FILIP1: variants seen among roughly 807,000 people sequenced by gnomAD.
FILIP1 encodes filamin A interacting protein 1.
A neutral mutation model predicts 102.1 loss-of-function variants in FILIP1; 61 were observed. That is an observed-to-expected ratio of 0.60 (90% CI 0.49 to 0.74). FILIP1 has a LOEUF of 0.74. Ranked by LOEUF, FILIP1 falls within the 30% of genes least tolerant of loss-of-function variation. FILIP1 has a pLI of 0.00. For synonymous variants in FILIP1, 491 were observed against 526.9 expected (o/e 0.93, Z 0.93); for missense variants, 1,314 against 1,441.2 (o/e 0.91, Z 1.43).
chr6:75,407,456 G>C (rs1451971593), intron 2 of FILIP1, among the ~76,000 whole-genome samples: 1 of 152,116 alleles, frequency 6.6e-6, no homozygotes, highest in Non-Finnish European at 1.5e-5. Context: ...TCCATCTCCT[G>C]ACCTTGTGAT....
At chr6:75,320,653 G>A (rs1375953362) in intron 4 of FILIP1, among the ~76,000 whole-genome samples, 1 of 152,210 alleles carries the variant, frequency 6.6e-6, no homozygotes, top group South Asian at 2.1e-4. Context: ...AGTTCTCCAC[G>A]ATGCTGAGTG....
At chr6:75,380,544 T>G (rs941667998) in intron 2 of FILIP1, among the ~76,000 whole-genome samples, 1 of 152,164 alleles carries the variant, frequency 6.6e-6, no homozygotes, top group Non-Finnish European at 1.5e-5. Context: ...CATATGACTC[T>G]AAAAAGTAAC....
chr6:75,292,279 T>C (rs1772563417), exon 7 of FILIP1: 1 of 152,212 alleles, frequency 6.6e-6, no homozygotes, highest in Non-Finnish European at 1.5e-5. Context: ...CTTGATAATT[T>C]TAAAACAAAA....
At chr6:75,407,084 A>G (rs1440756131) in intron 2 of FILIP1, among the ~76,000 whole-genome samples, 1 of 152,218 alleles carries the variant, frequency 6.6e-6, no homozygotes, top group African/African-American at 2.4e-5. Context: ...CACCTATAGT[A>G]GGTGATGAAG....
intron 4 of FILIP1, among the ~76,000 whole-genome samples, chr6:75,321,228 GTTTTGTT>G (rs1304534555): frequency 4.6e-5 from 7 of 151,818 alleles, no homozygotes; most frequent in African/African-American, 7.3e-5. Context: ...TTTTTGTTTT[GTTTTGTT>G]TTTTGTTTTG....
intron 6 of FILIP1, chr6:75,296,869 G>T (rs1433867751): frequency 1.3e-5 from 2 of 151,994 alleles, no homozygotes; most frequent in Non-Finnish European, 2.9e-5. Context: ...TATTTATTTG[G>T]CTGGTTTTTC....
At chr6:75,416,270 A>C (rs1208043962) in intron 1 of FILIP1, among the ~76,000 whole-genome samples, 3 of 152,152 alleles carry the variant, frequency 2.0e-5, no homozygotes, top group Admixed American at 2.0e-4. Context: ...TCTTCCAATG[A>C]ATCTTGAAAT....
chr6:75,331,213 T>C (rs373431515), intron 4 of FILIP1, among the ~76,000 whole-genome samples: 16 of 152,282 alleles, frequency 1.1e-4, no homozygotes, highest in African/African-American at 3.8e-4. Context: ...AACTAGTAAA[T>C]ACCACTTAGT....
chr6:75,340,720 G>T (rs902771110), intron 4 of FILIP1, among the ~76,000 whole-genome samples: 2 of 151,748 alleles, frequency 1.3e-5, no homozygotes, highest in East Asian at 3.9e-4. Context: ...TTTTGAGGTG[G>T]AGTCTCACTT....
chr6:75,459,255 GA>G (rs1490860632), intron 1 of FILIP1, among the ~76,000 whole-genome samples: 1 of 152,106 alleles, frequency 6.6e-6, no homozygotes, highest in Non-Finnish European at 1.5e-5. Context: ...ACTGCTTACT[GA>G]AATATTTTCT....
chr6:75,307,292 C>T (rs1354136893), downstream of FILIP1, among the ~76,000 whole-genome samples: 3 of 152,172 alleles, frequency 2.0e-5, no homozygotes, highest in East Asian at 5.8e-4. Context: ...TATCATGAAA[C>T]ATGTTGAATC....
At chr6:75,351,293 C>T (rs1029469014) in intron 4 of FILIP1, among the ~76,000 whole-genome samples, 3 of 152,164 alleles carry the variant, frequency 2.0e-5, no homozygotes, top group African/African-American at 4.8e-5. Context: ...GAACTCCTGA[C>T]CCCAGGTGAT....
intron 4 of FILIP1, among the ~76,000 whole-genome samples, chr6:75,323,851 A>C (rs28370525): frequency 5.9e-5 from 1 of 16,874 alleles, no homozygotes. Flanking sequence ...CCACGCTGTT[A>C]TAATAGTGAG....
chr6:75,372,564 A>G (rs991320718), intron 2 of FILIP1, among the ~76,000 whole-genome samples: 1 of 148,886 alleles, frequency 6.7e-6, no homozygotes, highest in African/African-American at 2.5e-5. Context: ...CAAAACTACA[A>G]TGAGATACTA....
Position 75,314,558 on chromosome 6 carries a change from A to G in FILIP1, c.1274T>C (p.Val425Ala), listed in dbSNP as rs762175679. ...EHHSKELRLE[V>A]EKLQKRMSEL... ...AGACATTCTCTTCTGTAGCTTCTCA[A>G]CTTCAAGTCTGAGCTCCTTACTATG... The change falls in exon 5 of 6, where the codon GTT becomes GCT. Residue 425 changes from valine (V) to alanine (A), a missense_variant. This residue lies in a region of FILIP1 where 494 missense variants were observed against 511.2 expected (regional missense o/e 0.97). Coordinates refer to ENST00000237172, the MANE Select transcript of FILIP1 (RefSeq NM_015687.5). The G allele has an allele frequency of 1.9e-6, 3 of 1,613,826 alleles. No individual in the cohort carries two copies. Among genetic ancestry groups the G allele is most frequent in the South Asian group, 1.1e-5 (1 of 91,016 alleles).
At chr6:75,372,888 T>C (rs1241181960) in intron 2 of FILIP1, among the ~76,000 whole-genome samples, 1 of 152,134 alleles carries the variant, frequency 6.6e-6, no homozygotes, top group African/African-American at 2.4e-5. Context: ...GCAGCTACTA[T>C]GGAAAATAGT....
downstream of FILIP1, among the ~76,000 whole-genome samples, chr6:75,306,062 A>G (rs1772976506): frequency 6.6e-6 from 1 of 152,210 alleles, no homozygotes; most frequent in Non-Finnish European, 1.5e-5. Flanking sequence ...ACCACCTCCT[A>G]TCCCCAGTGG....
chr6:75,389,639 G>A (rs1776217223), intron 2 of FILIP1, among the ~76,000 whole-genome samples: 1 of 152,104 alleles, frequency 6.6e-6, no homozygotes, highest in South Asian at 2.1e-4. Context: ...ATTTCCTCTA[G>A]ATTTTCTAGT....
At chr6:75,449,596 C>G (rs1182883329) in intron 1 of FILIP1, among the ~76,000 whole-genome samples, 1 of 152,024 alleles carries the variant, frequency 6.6e-6, no homozygotes, top group East Asian at 1.9e-4. Context: ...GCCTGGGACA[C>G]AGCAAGACCC....
Sources: allele counts gnomAD v4.1 joint callset (sites outside exome capture counted in the v4.1 genomes callset), GRCh38; gene constraint gnomAD v4.1.1; regional missense constraint gnomAD v4.1.1; transcripts MANE v1.5; gene names NCBI Gene and HGNC (gene_info 2026-07-23, HGNC 2026-07-21).